Variants in AK8 observed in about 807,000 individuals in gnomAD.
AK8 encodes ATP-AMP transphosphorylase 8.
A neutral mutation model predicts 54.6 loss-of-function variants in AK8; 44 were observed. The observed-to-expected ratio is 0.81, with a 90% CI of 0.63 to 1.04. The LOEUF (loss-of-function observed/expected upper bound fraction) is 1.04, where lower values mean the gene tolerates loss of function less well. AK8 is among the 50% of genes least tolerant of loss of function. AK8 has a pLI of 0.00. For missense variants in AK8, 555 were observed against 613.6 expected, an observed-to-expected ratio of 0.90 and a Z score of 1.01; for synonymous variants, 239 against 245.6, an observed-to-expected ratio of 0.97 and a Z score of 0.25.
chr9:132,727,478 C>T lies in AK8; in HGVS notation c.1178G>A (p.Arg393Lys), dbSNP rs781626145. 12 of 1,614,104 alleles carry T rather than the reference C, an allele frequency of 7.4e-6. No homozygotes were observed. In the South Asian group the frequency reaches 1.3e-4, roughly 18 times the overall value. ...CCTTTCCCCAGTGACTGGATCAATT[C>T]TTCTCAGAGTCAGCCGCTCCATGAT... ...DSIMERLTLR[R>K]IDPVTGERYH... Residue 393 changes from arginine to lysine, a missense_variant, in exon 12 of 13, where the codon AGA (arginine) becomes AAA (lysine). Arg to Lys is a conservative substitution (Grantham distance 26). Transcript: ENST00000298545.
Position 132,774,136 on chromosome 9 carries a change from A to G in AK8, c.1121+18498T>C, listed in dbSNP as rs113401650. 6.6e-3 allele frequency among the ~76,000 whole-genome samples: 1,001 copies of G among 152,208 alleles called. 10 individuals carry two copies. Among genetic ancestry groups the G allele is most frequent in the African/African-American group, 0.023 (942 of 41,534 alleles). On this transcript the variant is annotated intron_variant, in intron 11 of 12. Transcript: ENST00000298545. Reference sequence around the variant, plus strand: ...ATTGGGATGCATGAAGCCTTGCCCTATGACCTAGAATCCACGCTCCTGAGA... The same window carrying G: ...ATTGGGATGCATGAAGCCTTGCCCTGTGACCTAGAATCCACGCTCCTGAGA...
At chr9:132,748,439 TCCCAGGTGCTCA>T (rs1837756364) in intron 11 of AK8, among the ~76,000 whole-genome samples, 1 of 151,698 alleles carries the variant, frequency 6.6e-6, no homozygotes, top group Non-Finnish European at 1.5e-5. Context: ...GGTGCCAGCC[TCCCAGGTGCTCA>T]GGTGCGAGAG....
At chr9:132,845,543 A>C (rs1045024893) in intron 5 of AK8, among the ~76,000 whole-genome samples, 1 of 152,174 alleles carries the variant, frequency 6.6e-6, no homozygotes, top group Non-Finnish European at 1.5e-5. Context: ...TAATCCCAGC[A>C]CTTTGGGAGG....
intron 11 of AK8, among the ~76,000 whole-genome samples, chr9:132,771,732 G>A (rs565953032): frequency 2.6e-4 from 40 of 152,284 alleles, no homozygotes; most frequent in Admixed American, 1.8e-3. Flanking sequence ...GACAAGCAGC[G>A]TCGTGTGGTG....
intron 1 of AK8, 180 bp downstream of exon 1, chr9:132,877,992 C>G: frequency 6.8e-7 from 1 of 1,461,942 alleles, no homozygotes; most frequent in Non-Finnish European, 9.3e-7. Flanking sequence ...GGACCAGGAG[C>G]GTCCCCAGCT....
intron 1 of AK8, among the ~76,000 whole-genome samples, chr9:132,875,465 C>G (rs1588247649): frequency 6.6e-6 from 1 of 152,174 alleles, no homozygotes; most frequent in Admixed American, 6.5e-5. Flanking sequence ...CAGTCCAGGG[C>G]TCTCTCCCCT....
intron 3 of AK8, among the ~76,000 whole-genome samples, chr9:132,864,717 C>T (rs1483746971): frequency 6.6e-6 from 1 of 152,238 alleles, no homozygotes; most frequent in Non-Finnish European, 1.5e-5. Flanking sequence ...CTGACCTCGA[C>T]AGAGAGGACA....
chr9:132,782,388 G>A (rs1024089543), intron 11 of AK8, among the ~76,000 whole-genome samples: 1 of 151,970 alleles, frequency 6.6e-6, no homozygotes, highest in African/African-American at 2.4e-5. Flanking sequence ...TAGCTGATGC[G>A]CTCACAAAGA....
intron 7 of AK8, chr9:132,827,706 G>A (rs935192923): frequency 2.5e-5 from 10 of 393,390 alleles, no homozygotes; most frequent in Non-Finnish European, 4.1e-5. Flanking sequence ...CCCAGGGAGA[G>A]GCAGACATGT....
Position 132,814,701 on chromosome 9 carries a change from C to T in AK8, c.916G>A (p.Ala306Thr), listed in dbSNP as rs774148272. Reference protein sequence around the residue: ...NVCCGQLLKEAVADRTTFGEL... With the variant: ...NVCCGQLLKETVADRTTFGEL... Reference sequence around the variant, plus strand: ...CCAAACGTGGTCCTATCTGCCACAGCCTCTTTCAGCAGTTGCCCACAGCAG... The same window carrying T: ...CCAAACGTGGTCCTATCTGCCACAGTCTCTTTCAGCAGTTGCCCACAGCAG... The change falls in exon 10 of 13, where the codon GCT becomes ACT. Residue 306 changes from alanine (A) to threonine (T), a missense_variant. Ala to Thr is a moderately conservative substitution (Grantham distance 58). Transcript: ENST00000298545. 6.2e-7 allele frequency: 1 copy of T among 1,613,986 alleles called. No homozygotes were observed. Among genetic ancestry groups the T allele is most frequent in the South Asian group, 1.1e-5 (1 of 91,066 alleles).
intron 11 of AK8, among the ~76,000 whole-genome samples, chr9:132,761,243 A>G (rs910571746): frequency 7.5e-5 from 10 of 133,906 alleles, no homozygotes; most frequent in African/African-American, 3.1e-4. Flanking sequence ...TGGATTTTCT[A>G]TTTCTTTTTT....
intron 11 of AK8, among the ~76,000 whole-genome samples, chr9:132,740,912 T>C (rs1221834802): frequency 1.3e-5 from 2 of 152,200 alleles, no homozygotes; most frequent in Non-Finnish European, 2.9e-5. Flanking sequence ...AGAAGACTTC[T>C]TTGAGGTGGC....
At chr9:132,823,473 T>G in intron 8 of AK8, 137 bp from the exon 9 acceptor site, 1 of 1,256,236 alleles carries the variant, frequency 8.0e-7, no homozygotes, top group Non-Finnish European at 1.1e-6. Flanking sequence ...CCTCTGTGCA[T>G]CTGGCGAAGA....
intron 7 of AK8, 176 bp from the exon 8 acceptor site, chr9:132,827,230 G>A: frequency 1.5e-6 from 1 of 646,830 alleles, no homozygotes; most frequent in Admixed American, 2.7e-5. Context: ...CTCTGAGCCT[G>A]CTCTTAACTA....
intron 11 of AK8, among the ~76,000 whole-genome samples, chr9:132,738,335 G>A (rs550145845): frequency 2.0e-4 from 30 of 152,236 alleles, no homozygotes; most frequent in African/African-American, 6.7e-4. Flanking sequence ...TTACAGACGT[G>A]AGCCACCGCA....
chr9:132,863,616 G>A (rs1426455377), intron 4 of AK8, 49 bp downstream of exon 4: 5 of 1,327,108 alleles, frequency 3.8e-6, no homozygotes, highest in Non-Finnish European at 3.2e-6. Flanking sequence ...GGGTGTGGCA[G>A]TGGGCACTGC....
At chr9:132,736,232 T>C (rs924434841) in intron 11 of AK8, among the ~76,000 whole-genome samples, 19 of 149,588 alleles carry the variant, frequency 1.3e-4, no homozygotes, top group South Asian at 2.1e-4. Context: ...TGTCCCCTAG[T>C]CTGGAGTGGA....
At chr9:132,767,704 C>T (rs987011186) in intron 11 of AK8, among the ~76,000 whole-genome samples, 9 of 152,142 alleles carry the variant, frequency 5.9e-5, no homozygotes, top group Non-Finnish European at 8.8e-5. Flanking sequence ...TGGAATCAAC[C>T]TAAGTGTCCA....
chr9:132,816,575 C>T lies in AK8; in HGVS notation c.890-1848G>A, dbSNP rs546607523. ...GAGCTGGGGTCCAAACCCAGGTCTG[C>T]GTGACATCAAACCCATGCTTAGCTT... On this transcript the variant is annotated intron_variant, in intron 9 of 12. Coordinates refer to ENST00000298545, the MANE Select transcript of AK8 (RefSeq NM_152572.3). 4.6e-5 allele frequency among the ~76,000 whole-genome samples: 7 copies of T among 152,144 alleles called. 1 individual carries two copies. In the South Asian group the frequency reaches 1.2e-3, roughly 27 times the overall value.
Sources: allele counts gnomAD v4.1 joint callset (sites outside exome capture counted in the v4.1 genomes callset), GRCh38; gene constraint gnomAD v4.1.1; transcripts MANE v1.5; gene names NCBI Gene and HGNC (gene_info 2026-07-23, HGNC 2026-07-21).